Variants in KCNA6 observed in about 807,000 individuals in gnomAD.
The protein encoded by KCNA6 is potassium voltage-gated channel subfamily A member 6.
A neutral mutation model predicts 29.5 loss-of-function variants in KCNA6; 17 were observed. The ratio of observed to expected loss-of-function variants is 0.58; its 90% CI spans 0.39 to 0.86. KCNA6 has a LOEUF of 0.86. Ranked by LOEUF, KCNA6 falls within the 40% of genes least tolerant of loss-of-function variation. The pLI is 0.00. For synonymous variants in KCNA6, 296 were observed against 304.7 expected, an observed-to-expected ratio of 0.97 and a Z score of 0.30; for missense variants, 450 against 703.4, an observed-to-expected ratio of 0.64 and a Z score of 4.07.
At chr12:4,820,075 T>C in the KCNA6 span, among the ~76,000 whole-genome samples, 1 of 152,182 alleles carries the variant, frequency 6.6e-6, no homozygotes, top group South Asian at 2.1e-4. Context: ...AACTGCAGTT[T>C]TGTTCTCTGA....
At chr12:4,832,253 G>GA in the KCNA6 span, among the ~76,000 whole-genome samples, 1 of 151,954 alleles carries the variant, frequency 6.6e-6, no homozygotes, top group Non-Finnish European at 1.5e-5. Flanking sequence ...CTGGCAATGT[G>GA]AAAAAAACAA....
At chr12:4,835,410 G>A in the KCNA6 span, among the ~76,000 whole-genome samples, 2,371 of 152,148 alleles carry the variant, frequency 0.016, 132 homozygotes, top group East Asian at 0.2. Flanking sequence ...CTGGGATTAC[G>A]GGCTTGAGCC....
rs111976727 is a variant in KCNA6, at chr12:4,810,095, G to A, written c.54G>A (p.Pro18=). 1.3e-6 allele frequency: 2 copies of A among 1,568,658 alleles called. No individual in the cohort carries two copies. The highest frequency in any genetic ancestry group is 3.4e-5 in the Admixed American group (2 of 58,206). ...CGGCGCCGGGGGAGGTCCGTGGGCCGGAGGGAGAGCAACAGGATGCGGGAG... is the reference window on the plus strand; with the variant it reads ...CGGCGCCGGGGGAGGTCCGTGGGCCAGAGGGAGAGCAACAGGATGCGGGAG... Residue 18 remains proline (P), a synonymous_variant, in exon 1 of 1, where the codon CCG becomes CCA. Transcript: ENST00000280684. The surrounding 1 kb of genome is among the most constrained non-coding windows in gnomAD (Gnocchi z 7.5).
At chr12:4,813,843 G>A (rs1946656332), downstream of KCNA6, 1 of 167,096 alleles carries the variant, frequency 6.0e-6, no homozygotes, top group Non-Finnish European at 1.5e-5. Flanking sequence ...CTGTATATGT[G>A]TATGTAATCA....
chr12:4,832,820 A>G, the KCNA6 span, among the ~76,000 whole-genome samples: 1 of 152,168 alleles, frequency 6.6e-6, no homozygotes, highest in Admixed American at 6.5e-5. Flanking sequence ...CTTTATGTGG[A>G]CTGGACCACT....
At chr12:4,823,788 A>C in the KCNA6 span, among the ~76,000 whole-genome samples, 1 of 152,120 alleles carries the variant, frequency 6.6e-6, no homozygotes, top group African/African-American at 2.4e-5. Context: ...TAAATAATAA[A>C]ATAAAATGGG....
chr12:4,829,561 A>C, the KCNA6 span, among the ~76,000 whole-genome samples: 5 of 152,292 alleles, frequency 3.3e-5, no homozygotes, highest in Admixed American at 3.3e-4. Context: ...ATTTTGGGGA[A>C]GTCTTAGGTA....
At position 4,811,865 on chromosome 12, in the gene KCNA6, A is replaced by C; in HGVS notation, c.*234A>C. 1 of 542,386 alleles carries C rather than the reference A, an allele frequency of 1.8e-6. No homozygotes were observed. Among genetic ancestry groups the C allele is most frequent in the Non-Finnish European group, 3.3e-6 (1 of 299,500 alleles). The allele number at this position is 542,386 out of a possible 1,614,324, so 33.6% of individuals were successfully genotyped here. A position where few individuals can be genotyped will look rare whatever the true frequency, so the allele number is the denominator to read the frequency against. On this transcript the variant is annotated 3_prime_UTR_variant, in exon 1 of 1. Coordinates refer to ENST00000280684, the Ensembl canonical transcript of KCNA6. The surrounding 1 kb of genome is among the most constrained non-coding windows in gnomAD (Gnocchi z 7.1). Reference sequence around the variant, plus strand: ...TTTGAAATTCCAGCGGTGCCACCCAATCATGCCCAGCTTCTGTCATATGAA... The same window carrying C: ...TTTGAAATTCCAGCGGTGCCACCCACTCATGCCCAGCTTCTGTCATATGAA...
the KCNA6 span, among the ~76,000 whole-genome samples, chr12:4,841,548 G>A: frequency 6.6e-6 from 1 of 152,116 alleles, no homozygotes. Flanking sequence ...TGCAGAGGAA[G>A]GTAACGTATT....
the KCNA6 span, among the ~76,000 whole-genome samples, chr12:4,825,072 A>G: frequency 6.6e-6 from 1 of 152,222 alleles, no homozygotes. Context: ...CCTTCAAGCT[A>G]CTTGTGTTTG....
chr12:4,847,314 G>A, the KCNA6 span, among the ~76,000 whole-genome samples: 1 of 152,062 alleles, frequency 6.6e-6, no homozygotes, highest in Non-Finnish European at 1.5e-5. Context: ...TCTGGGTCTG[G>A]AAATGCATGT....
At chr12:4,838,015 A>T in the KCNA6 span, among the ~76,000 whole-genome samples, 13 of 152,040 alleles carry the variant, frequency 8.6e-5, no homozygotes, top group African/African-American at 2.9e-4. Flanking sequence ...AGAGAGTAGA[A>T]AATAAGCACA....
the KCNA6 span, among the ~76,000 whole-genome samples, chr12:4,832,967 A>G: frequency 5.8e-3 from 886 of 152,280 alleles, 10 homozygotes; most frequent in African/African-American, 0.02. Context: ...TCTTAAGTGT[A>G]GTTGGGCTGC....
At chr12:4,848,448 A>C in the KCNA6 span, among the ~76,000 whole-genome samples, 1 of 150,374 alleles carries the variant, frequency 6.7e-6, no homozygotes, top group African/African-American at 2.5e-5. Flanking sequence ...TGTCTATGTA[A>C]TTTACCTCCT....
the KCNA6 span, among the ~76,000 whole-genome samples, chr12:4,821,418 A>ATGTGTGTGTGTG: frequency 2.8e-5 from 4 of 143,520 alleles, no homozygotes; most frequent in African/African-American, 7.8e-5. Flanking sequence ...ACTCACTTGG[A>ATGTGTGTGTGTG]TGTGTGTGTG....
chr12:4,824,714 G>A, the KCNA6 span, among the ~76,000 whole-genome samples: 8 of 152,240 alleles, frequency 5.3e-5, no homozygotes, highest in African/African-American at 1.9e-4. Context: ...GAGAATGAAC[G>A]GGAAGAAATG....
At chr12:4,813,404 G>C (rs1416774132) in exon 1 of KCNA6, 1 of 167,136 alleles carries the variant, frequency 6.0e-6, no homozygotes, top group Non-Finnish European at 1.5e-5. Flanking sequence ...TCATGGATTT[G>C]ATTTTTAGTT....
the KCNA6 span, among the ~76,000 whole-genome samples, chr12:4,831,248 T>C: frequency 6.6e-6 from 1 of 152,210 alleles, no homozygotes; most frequent in Admixed American, 6.5e-5. Context: ...TGAAGTTGCA[T>C]GTGGCCCGGA....
At chr12:4,809,879 T>G (rs1946604305) in exon 1 of KCNA6, 3 of 770,566 alleles carry the variant, frequency 3.9e-6, no homozygotes, top group Non-Finnish European at 6.0e-6. Flanking sequence ...GGACCAGGGC[T>G]TTAGGGCTCA....
Sources: gnomAD v4.1 joint callset for allele counts (sites outside exome capture counted in the v4.1 genomes callset) on GRCh38, gnomAD v4.1.1 for gene constraint, Gnocchi (gnomAD v3.1) non-coding constraint, MANE v1.5 for transcripts, NCBI Gene and HGNC (gene_info 2026-07-23, HGNC 2026-07-21) for gene names.